The following DHRS7 variants were observed in gnomAD, a reference collection of about 807,000 sequenced individuals.
DHRS7 encodes the protein dehydrogenase/reductase 7.
In DHRS7, 34 loss-of-function variants were observed where a neutral mutation model predicts 38.9. The observed-to-expected ratio is 0.87, with a 90% CI of 0.66 to 1.16. The LOEUF (loss-of-function observed/expected upper bound fraction) is 1.16. DHRS7 is among the 50% of genes most tolerant of loss of function. The pLI, the probability that DHRS7 is intolerant of heterozygous loss-of-function variation, is 0.00. For missense variants in DHRS7, 421 were observed against 407.0 expected (o/e 1.03, Z -0.30); for synonymous variants, 158 against 153.1 (o/e 1.03, Z -0.24).
At chr14:60,167,188 A>G (rs1351741412), upstream of DHRS7, among the ~76,000 whole-genome samples, 2 of 152,332 alleles carry the variant, frequency 1.3e-5, no homozygotes, top group East Asian at 1.9e-4. Context: ...CCATGATGTG[A>G]TTATTACACA....
intron 1 of DHRS7, among the ~76,000 whole-genome samples, chr14:60,158,233 A>G (rs1013951617): frequency 4.9e-5 from 3 of 61,478 alleles, no homozygotes; most frequent in South Asian, 7.3e-4. Context: ...ACTCTGTCGG[A>G]AAAAAAAAAA....
chr14:60,160,630 C>T (rs951073514), intron 1 of DHRS7, among the ~76,000 whole-genome samples: 3 of 152,098 alleles, frequency 2.0e-5, no homozygotes, highest in Non-Finnish European at 4.4e-5. Flanking sequence ...GTCACCCAAG[C>T]TGGAGTGCAG....
chr14:60,164,899 T>G (rs1463994461), intron 1 of DHRS7, among the ~76,000 whole-genome samples: 1 of 152,236 alleles, frequency 6.6e-6, no homozygotes, highest in African/African-American at 2.4e-5. Context: ...CCGACTCCAG[T>G]GCTCTCTTAA....
intron 1 of DHRS7, among the ~76,000 whole-genome samples, chr14:60,163,452 T>C (rs1896803094): frequency 6.6e-6 from 1 of 152,146 alleles, no homozygotes; most frequent in Non-Finnish European, 1.5e-5. Context: ...CCACGCCAGA[T>C]TTTTGCTGAA....
chr14:60,167,579 G>A (rs964909091), upstream of DHRS7, among the ~76,000 whole-genome samples: 5 of 151,036 alleles, frequency 3.3e-5, no homozygotes, highest in South Asian at 2.1e-4. Flanking sequence ...GCAGTTGTGC[G>A]TAAGCAATTG....
In DHRS7 at chr14:60,165,334, G is replaced by A. The variant is rs1050831922; in HGVS notation, c.-25C>T. 3.2e-6 allele frequency: 5 copies of A among 1,560,552 alleles called. No individual in the cohort carries two copies. The highest frequency in any genetic ancestry group is 3.5e-6 in the Non-Finnish European group (4 of 1,157,574). On this transcript the variant is annotated 5_prime_UTR_variant, in exon 1 of 7. Coordinates refer to ENST00000557185, the MANE Select transcript of DHRS7 (RefSeq NM_016029.4). This position sits in a 1 kb window ranked among gnomAD's most constrained non-coding sequence, Gnocchi z 4.6. ...TTGCGGCCGCGCACGCCCAGCTCGG[G>A]GGGAAGAAGACGGCCCGCACCAGAG... is the stretch of plus-strand genomic sequence containing the variant.
Position 60,165,353 on chromosome 14 carries a change from A to T in DHRS7, c.-44T>A. 6.5e-7 allele frequency: 1 copy of T among 1,544,914 alleles called. No individual in the cohort carries two copies. Among genetic ancestry groups the T allele is most frequent in the Non-Finnish European group, 8.7e-7 (1 of 1,149,964 alleles). ...GCTCGGGGGGAAGAAGACGGCCCGCACCAGAGTCGCGTCGCTGCCCTGCGG... is the reference window on the plus strand; with the variant it reads ...GCTCGGGGGGAAGAAGACGGCCCGCTCCAGAGTCGCGTCGCTGCCCTGCGG... On this transcript the variant is annotated 5_prime_UTR_variant, in exon 1 of 7. Transcript: ENST00000557185. This position sits in a 1 kb window ranked among gnomAD's most constrained non-coding sequence, Gnocchi z 4.6.
rs1346719986 is a variant in DHRS7, at chr14:60,162,301, A to T, written c.133+2876T>A. 6.6e-6 allele frequency among the ~76,000 whole-genome samples: 1 copy of T among 151,966 alleles called. No individual in the cohort carries two copies. The highest frequency in any genetic ancestry group is 1.9e-4 in the East Asian group (1 of 5,184). On this transcript the variant is annotated intron_variant, in intron 1 of 6. Transcript: ENST00000557185. This position sits in a 1 kb window ranked among gnomAD's most constrained non-coding sequence, Gnocchi z 4.5. ...GGTGGGAGGATTGCCTGAGCCCAGG[A>T]GTTCGAGGCTGCAGTGAGCTATGAT...
intron 1 of DHRS7, 54 bp from the exon 2 acceptor site, chr14:60,156,206 A>T: frequency 2.1e-6 from 3 of 1,396,486 alleles, no homozygotes; most frequent in Non-Finnish European, 2.8e-6. Flanking sequence ...TTACGCTCAT[A>T]AATCCAAGAT....
chr14:60,168,664 C>A, upstream of DHRS7: 1 of 1,536,968 alleles, frequency 6.5e-7, no homozygotes, highest in Non-Finnish European at 8.7e-7. Context: ...GCTTTTTCCT[C>A]TCCTTCTCTT....
chr14:60,152,627 T>C (rs1038653413), intron 4 of DHRS7: 5 of 325,520 alleles, frequency 1.5e-5, no homozygotes, highest in Non-Finnish European at 2.9e-5. Context: ...AGGTGAAGAG[T>C]AACATGTTAA....
intron 2 of DHRS7, 107 bp downstream of exon 2, chr14:60,155,893 T>C (rs991214798): frequency 1.4e-5 from 16 of 1,179,468 alleles, no homozygotes; most frequent in East Asian, 2.8e-5. Context: ...TGTAGAACAT[T>C]TGGAGCCGGG....
chr14:60,164,023 C>T (rs992355042), intron 1 of DHRS7, among the ~76,000 whole-genome samples: 1 of 152,108 alleles, frequency 6.6e-6, no homozygotes, highest in Admixed American at 6.6e-5. Flanking sequence ...TGTAGCACTG[C>T]TGTGGCGTCC....
chr14:60,152,466 T>TA (rs1595193817), intron 4 of DHRS7, among the ~76,000 whole-genome samples: 1 of 152,140 alleles, frequency 6.6e-6, no homozygotes, highest in African/African-American at 2.4e-5. Flanking sequence ...CATGCATATA[T>TA]AATTAGACCA....
chr14:60,156,145 C>T lies in DHRS7; in HGVS notation c.141G>A (p.Glu47=). The T allele has an allele frequency of 6.4e-7, 1 of 1,574,142 alleles. No individual in the cohort carries two copies. The change falls in exon 2 of 7, where the codon GAG becomes GAA. Residue 47 remains glutamate, a synonymous_variant. Coordinates refer to ENST00000557185, the MANE Select transcript of DHRS7 (RefSeq NM_016029.4). ...AEWQGRRPEW[E]LTDMVVWVTG... Reference sequence around the variant, plus strand: ...TCACCCACACCACCATATCAGTCAGCTCCCATTCTATGGAAGGAATGTAAA... The same window carrying T: ...TCACCCACACCACCATATCAGTCAGTTCCCATTCTATGGAAGGAATGTAAA...
Position 60,146,244 on chromosome 14 carries a change from G to A in DHRS7, c.973-1231C>T, listed in dbSNP as rs1896403402. On this transcript the variant is annotated intron_variant, in intron 6 of 6. Transcript: ENST00000557185. The surrounding 1 kb of genome is among the most constrained non-coding windows in gnomAD (Gnocchi z 4.9). ...AGAAAAACCTAGATGTAAAAAAAAT[G>A]CGAGATTTGCTAAATGATGTTTATA... is the stretch of plus-strand genomic sequence containing the variant. The A allele has an allele frequency of 6.6e-6, 1 of 151,790 alleles. No homozygotes were observed. Among genetic ancestry groups the A allele is most frequent in the Admixed American group, 6.6e-5 (1 of 15,260 alleles). The allele number at this position is 151,790 out of a possible 1,614,324, so 9.4% of individuals were successfully genotyped here.
rs752101460 is a variant in DHRS7 at position 60,156,031 on chromosome 14, A to T, written c.255T>A (p.His85Gln). The T allele has an allele frequency of 3.1e-6, 5 of 1,594,030 alleles. No homozygotes were observed. In the South Asian group the frequency reaches 5.7e-5, roughly 18 times the overall value. Residue 85 changes from histidine to glutamine, a missense_variant, in exon 2 of 7, where the codon CAT (histidine) becomes CAA (glutamine). Transcript: ENST00000557185. Reference sequence around the variant, plus strand: ...ATCTTCTTTTCACCCTTTCCAGCTCATGCACTCTTCTGGCTGACAGCACAA... The same window carrying T: ...ATCTTCTTTTCACCCTTTCCAGCTCTTGCACTCTTCTGGCTGACAGCACAA... ...VSLVLSARRV[H>Q]ELERVKRRCL...
chr14:60,154,096 C>T (rs552632241), intron 2 of DHRS7, 31 bp from the exon 3 acceptor site: 1 of 1,569,704 alleles, frequency 6.4e-7, no homozygotes, highest in Non-Finnish European at 8.8e-7. Context: ...GTGTGGAAGT[C>T]ATGCCATAGT....
chr14:60,167,665 C>T (rs555371995), upstream of DHRS7, among the ~76,000 whole-genome samples: 3 of 151,756 alleles, frequency 2.0e-5, no homozygotes, highest in South Asian at 2.1e-4. Flanking sequence ...AGTCCCTAGG[C>T]GGGGGAAAAA....
Sources: gnomAD v4.1 joint callset for allele counts (sites outside exome capture counted in the v4.1 genomes callset) on GRCh38, gnomAD v4.1.1 for gene constraint, Gnocchi (gnomAD v3.1) non-coding constraint, MANE v1.5 for transcripts, NCBI Gene and HGNC (gene_info 2026-07-23, HGNC 2026-07-21) for gene names.